The following IREB2 variants were observed in gnomAD, a reference collection of about 807,000 sequenced individuals.
IREB2 encodes iron-responsive element-binding protein 2.
Under a neutral mutation model 118.8 loss-of-function variants are expected in IREB2, and 39 were observed. That is an observed-to-expected ratio of 0.33 (90% CI 0.25 to 0.43). The LOEUF (loss-of-function observed/expected upper bound fraction) is 0.43, where lower values mean the gene tolerates loss of function less well. Ranked by LOEUF, IREB2 falls within the 20% of genes least tolerant of loss-of-function variation. The pLI is 1.00. For synonymous variants in IREB2, 372 were observed against 392.2 expected (o/e 0.95, Z 0.61); for missense variants, 900 against 1,147.3 (o/e 0.78, Z 3.11).
intron 15 of IREB2, 142 bp downstream of exon 15, chr15:78,488,478 T>C (rs1375563506): frequency 4.1e-6 from 4 of 979,006 alleles, no homozygotes; most frequent in Middle Eastern, 4.8e-4. Context: ...TTAATTTCTG[T>C]GTTTATGTGA....
intron 10 of IREB2, among the ~76,000 whole-genome samples, chr15:78,479,627 C>G (rs1375344667): frequency 6.6e-6 from 1 of 152,058 alleles, no homozygotes; most frequent in African/African-American, 2.4e-5. Context: ...AGAGTAATAT[C>G]TCCCTTCAGA....
chr15:78,454,613 C>G (rs61157079), intron 2 of IREB2, among the ~76,000 whole-genome samples: 70 of 152,146 alleles, frequency 4.6e-4, no homozygotes, highest in Non-Finnish European at 7.9e-4. Context: ...GGTAAACTTA[C>G]GTTACAAAAA....
In IREB2 at chr15:78,498,430, A is replaced by G. The variant is rs117154263; in HGVS notation, c.*287A>G. The stretch of plus-strand genomic sequence containing the variant: ...GATATTTTATCAGACCATTTTGTAA[A>G]TAAAGGCAGAATTTGTGTTGAAGAT... On this transcript the variant is annotated 3_prime_UTR_variant, in exon 22 of 22. Transcript: ENST00000258886. 1.5e-5 allele frequency: 3 copies of G among 204,980 alleles called. No individual in the cohort carries two copies. The East Asian group carries it at 3.5e-4, about 24-fold the overall frequency. 12.7% of individuals were successfully genotyped at this position (204,980 alleles called of 1,614,324 possible).
At chr15:78,450,192 A>T (rs1330316359) in intron 2 of IREB2, among the ~76,000 whole-genome samples, 1 of 152,226 alleles carries the variant, frequency 6.6e-6, no homozygotes, top group African/African-American at 2.4e-5. Flanking sequence ...AGTAATGGGG[A>T]CATACATGGA....
chr15:78,484,642 C>A, intron 11 of IREB2, 119 bp from the exon 12 acceptor site: 1 of 696,552 alleles, frequency 1.4e-6, no homozygotes, highest in Non-Finnish European at 2.4e-6. Context: ...GCATCACTCA[C>A]AAAAAGGATT....
chr15:78,489,302 C>T (rs560833482), intron 16 of IREB2, among the ~76,000 whole-genome samples: 2 of 151,878 alleles, frequency 1.3e-5, no homozygotes, highest in East Asian at 3.9e-4. Context: ...TGCAGCAAAC[C>T]ACCATGGCAC....
intron 8 of IREB2, chr15:78,475,250 A>G (rs1343190547): frequency 6.6e-6 from 1 of 152,090 alleles, no homozygotes; most frequent in Non-Finnish European, 1.5e-5. Context: ...CACTCTTCCT[A>G]TACCAATCTG....
chr15:78,474,019 ATCT>A (rs369813396), intron 8 of IREB2: 2 of 152,150 alleles, frequency 1.3e-5, no homozygotes, highest in African/African-American at 2.4e-5. Flanking sequence ...TTATGTAAAA[ATCT>A]TCTCTCTGAA....
At chr15:78,483,629 G>A (rs2051612321) in intron 11 of IREB2, among the ~76,000 whole-genome samples, 195 bp downstream of exon 11, 1 of 152,028 alleles carries the variant, frequency 6.6e-6, no homozygotes, top group Non-Finnish European at 1.5e-5. Context: ...TCCATTGTGA[G>A]GATCAGAGAT....
chr15:78,496,654 C>T (rs1441166139), intron 20 of IREB2, among the ~76,000 whole-genome samples: 1 of 152,050 alleles, frequency 6.6e-6, no homozygotes, highest in East Asian at 1.9e-4. Flanking sequence ...GTCTCAAACT[C>T]CCGGCCTCAA....
chr15:78,438,714 T>C (rs2050796425), intron 1 of IREB2: 1 of 354,952 alleles, frequency 2.8e-6, no homozygotes, highest in African/African-American at 2.2e-5. Context: ...CCGCCCCCCA[T>C]TGGCGAGCGA....
In IREB2 at chr15:78,438,260, C is replaced by T. The variant is rs923388446; in HGVS notation, c.-78C>T. The stretch of plus-strand genomic sequence containing the variant: ...CTCCCTTGCCAGTCCGCCTGTCTTC[C>T]TCCCCGTCTTCCCTGCCCGGCCTCC... On this transcript the variant is annotated 5_prime_UTR_variant, in exon 1 of 22. Coordinates refer to ENST00000258886, the MANE Select transcript of IREB2 (RefSeq NM_004136.4). 5.3e-6 allele frequency: 6 copies of T among 1,141,164 alleles called. No homozygotes were observed. In the African/African-American group the frequency reaches 9.2e-5, roughly 17 times the overall value. The allele number at this position is 1,141,164 out of a possible 1,614,324, so 70.7% of individuals were successfully genotyped here. A position where few individuals can be genotyped will look rare whatever the true frequency, so the allele number is the denominator to read the frequency against.
intron 16 of IREB2, among the ~76,000 whole-genome samples, chr15:78,489,825 A>AT (rs1232335162): frequency 6.6e-6 from 1 of 152,192 alleles, no homozygotes; most frequent in Non-Finnish European, 1.5e-5. Flanking sequence ...AAATGGTGAG[A>AT]TTTTTGGCTG....
chr15:78,488,364 C>T, intron 15 of IREB2, 28 bp downstream of exon 15: 1 of 1,489,576 alleles, frequency 6.7e-7, no homozygotes, highest in South Asian at 1.3e-5. Context: ...TATATGTATA[C>T]CTACACATAC....
At chr15:78,465,410 T>C (rs1156896397) in intron 4 of IREB2, 22 bp downstream of exon 4, 1 of 1,592,636 alleles carries the variant, frequency 6.3e-7, no homozygotes, top group East Asian at 2.2e-5. Context: ...CAGATATTTA[T>C]AGACAGCCAT....
At chr15:78,471,692 C>T (rs758011736) in intron 6 of IREB2, 49 bp from the exon 7 acceptor site, 1 of 1,240,688 alleles carries the variant, frequency 8.1e-7, no homozygotes, top group Non-Finnish European at 1.1e-6. Context: ...ATTGTGAGCA[C>T]AAATTTATAT....
At chr15:78,475,817 G>A (rs117592333) in intron 8 of IREB2, 4,137 of 156,738 alleles carry the variant, frequency 0.026, 77 homozygotes, top group Non-Finnish European at 0.043. Flanking sequence ...ACACCACTGC[G>A]CTCCAGCCTG....
In IREB2 at chr15:78,478,357, G is replaced by T. The variant is rs753403583; in HGVS notation, c.1256G>T (p.Arg419Leu). The change falls in exon 10 of 22, where the codon CGA becomes CTA. Residue 419 changes from arginine to leucine, a missense_variant. Physicochemically the swap from Arg to Leu is moderately radical, Grantham distance 102. Transcript: ENST00000258886. ...TACCTTAAAGCTGTGAAATTGTTTCGAAATGACCAGAATTCTTCAGGAGAA... is the reference window on the plus strand; with the variant it reads ...TACCTTAAAGCTGTGAAATTGTTTCTAAATGACCAGAATTCTTCAGGAGAA... Reference protein sequence around the residue: ...ETYLKAVKLFRNDQNSSGEPE... With the variant: ...ETYLKAVKLFLNDQNSSGEPE... 6.2e-7 allele frequency: 1 copy of T among 1,613,008 alleles called. No homozygotes were observed. The highest frequency in any genetic ancestry group is 8.5e-7 in the Non-Finnish European group (1 of 1,179,112).
intron 5 of IREB2, among the ~76,000 whole-genome samples, chr15:78,469,122 T>C (rs757115718): frequency 5.3e-5 from 8 of 152,212 alleles, no homozygotes; most frequent in Non-Finnish European, 8.8e-5. Flanking sequence ...GGCTATGTGA[T>C]AATAGTTACT....
Sources: gnomAD v4.1 joint callset for allele counts (sites outside exome capture counted in the v4.1 genomes callset) on GRCh38, gnomAD v4.1.1 for gene constraint, MANE v1.5 for transcripts, NCBI Gene and HGNC (gene_info 2026-07-23, HGNC 2026-07-21) for gene names.